The following ADGRV1 variants were observed in gnomAD, a reference collection of about 807,000 sequenced individuals.
The protein encoded by ADGRV1 is adhesion G protein-coupled receptor V1.
Under a neutral mutation model 596.2 loss-of-function variants are expected in ADGRV1, and 359 were observed. The observed-to-expected ratio is 0.60, with a 90% CI of 0.55 to 0.66. The LOEUF is 0.66. ADGRV1 is among the 30% of genes least tolerant of loss of function. The pLI is 0.00. For synonymous variants in ADGRV1, 2,681 were observed against 2,679.2 expected (o/e 1.00, Z -0.02); for missense variants, 7,274 against 7,575.6 (o/e 0.96, Z 1.48).
chr5:90,923,269 T>A (rs1338725431), intron 83 of ADGRV1, among the ~76,000 whole-genome samples: 2 of 152,162 alleles, frequency 1.3e-5, no homozygotes, highest in Non-Finnish European at 2.9e-5. Context: ...AATATTATAG[T>A]AAGGGCTAGC....
chr5:90,810,882 G>A lies in ADGRV1; in HGVS notation c.15622G>A (p.Ala5208Thr), dbSNP rs1023881798. ...TGCTGTGTCTGAAAAGCCTGATGTG[G>A]CCACTGTAACTGCCAATGTTTCCAT... is the stretch of plus-strand genomic sequence containing the variant. ...TPAVSEKPDV[A>T]TVTANVSIHG... The change falls in exon 74 of 90, where the codon GCC becomes ACC. Residue 5208 changes from alanine to threonine, a missense_variant. Physicochemically the swap from Ala to Thr is moderately conservative, Grantham distance 58 (BLOSUM62 0). Around this residue, in one of 5 missense-constraint regions of ADGRV1, gnomAD observed 1,874 missense variants for 1,970.2 expected, o/e 0.95. Coordinates refer to ENST00000405460, the MANE Select transcript of ADGRV1 (RefSeq NM_032119.4). 9 of 1,614,012 alleles carry A rather than the reference G, an allele frequency of 5.6e-6. No homozygotes were observed. In the African/African-American group the frequency reaches 1.1e-4, roughly 19 times the overall value.
intron 86 of ADGRV1, 63 bp from the exon 87 acceptor site, chr5:91,102,156 C>T: frequency 1.3e-6 from 2 of 1,482,418 alleles, no homozygotes; most frequent in Non-Finnish European, 1.8e-6. Context: ...CCAAAAATAA[C>T]TGTGTATACA....
In ADGRV1 at chr5:90,653,418, C is replaced by A. The variant is rs756850617; in HGVS notation, c.3844C>A (p.Gln1282Lys). 3 of 1,613,924 alleles carry A rather than the reference C, an allele frequency of 1.9e-6. No homozygotes were observed. Among genetic ancestry groups the A allele is most frequent in the Non-Finnish European group, 2.5e-6 (3 of 1,179,868 alleles). ...GCAGCAGGGTGTGTTTGGTGATGTA[C>A]AACTGGGCTGGGAAATACTGTCCAG... Reference protein sequence around the residue: ...LRQQGVFGDVQLGWEILSSEF... With the variant: ...LRQQGVFGDVKLGWEILSSEF... Residue 1282 changes from glutamine (Q) to lysine (K), a missense_variant, in exon 20 of 90, where the codon CAA (glutamine) becomes AAA (lysine). By Grantham distance (53) the Gln-to-Lys change is moderately conservative. Around this residue, in one of 5 missense-constraint regions of ADGRV1, gnomAD observed 1,715 missense variants for 1,708.8 expected, o/e 1.00. Coordinates refer to ENST00000405460, the MANE Select transcript of ADGRV1 (RefSeq NM_032119.4).
At chr5:90,830,386 T>C (rs1038102967) in intron 77 of ADGRV1, among the ~76,000 whole-genome samples, 1 of 152,154 alleles carries the variant, frequency 6.6e-6, no homozygotes, top group African/African-American at 2.4e-5. Context: ...TAGAAGTCTG[T>C]TTCATTCTTC....
chr5:90,682,750 T>C (rs1162020732), intron 27 of ADGRV1, among the ~76,000 whole-genome samples: 3 of 152,242 alleles, frequency 2.0e-5, no homozygotes, highest in Non-Finnish European at 4.4e-5. Flanking sequence ...TAAATTTTAT[T>C]TTGATGTAAC....
intron 76 of ADGRV1, among the ~76,000 whole-genome samples, chr5:90,827,009 G>A (rs1213617162): frequency 6.6e-6 from 1 of 152,066 alleles, no homozygotes; most frequent in Non-Finnish European, 1.5e-5. Context: ...TAACAACTTA[G>A]GAAGCATGCT....
intron 86 of ADGRV1, among the ~76,000 whole-genome samples, chr5:91,101,784 C>T (rs559495588): frequency 7.3e-5 from 11 of 150,484 alleles, no homozygotes; most frequent in Non-Finnish European, 1.3e-4. Context: ...CACACACGTG[C>T]GCATGCACAC....
intron 42 of ADGRV1, among the ~76,000 whole-genome samples, chr5:90,713,647 A>G (rs571406468): frequency 3.9e-5 from 6 of 152,270 alleles, no homozygotes; most frequent in Admixed American, 3.9e-4. Flanking sequence ...GCCTTTTGGA[A>G]TATTGGCTTC....
intron 87 of ADGRV1, among the ~76,000 whole-genome samples, chr5:91,112,973 A>G (rs1792507935): frequency 6.6e-6 from 1 of 152,198 alleles, no homozygotes. Flanking sequence ...CTCAGGATAT[A>G]TATAAAGAAA....
At chr5:91,050,354 TG>T (rs1372795245) in intron 85 of ADGRV1, among the ~76,000 whole-genome samples, 1 of 152,248 alleles carries the variant, frequency 6.6e-6, no homozygotes, top group Non-Finnish European at 1.5e-5. Flanking sequence ...TAGTGTACTT[TG>T]TGCCTCTGAC....
intron 21 of ADGRV1, among the ~76,000 whole-genome samples, chr5:90,664,205 G>C (rs367796501): frequency 1.6e-3 from 230 of 147,098 alleles, no homozygotes; most frequent in Non-Finnish European, 2.8e-3. Flanking sequence ...ACCTTGGGCA[G>C]TATGGCCATT....
chr5:91,129,937 A>G (rs541684475), intron 87 of ADGRV1, among the ~76,000 whole-genome samples: 4 of 152,262 alleles, frequency 2.6e-5, no homozygotes, highest in Admixed American at 1.3e-4. Flanking sequence ...TAATTGTAAT[A>G]AGAAAAGAAA....
At chr5:91,132,235 G>A (rs1053761852) in intron 87 of ADGRV1, among the ~76,000 whole-genome samples, 1 of 152,018 alleles carries the variant, frequency 6.6e-6, no homozygotes, top group Non-Finnish European at 1.5e-5. Flanking sequence ...ACAAATTGTT[G>A]AATTTATTTT....
intron 86 of ADGRV1, among the ~76,000 whole-genome samples, chr5:91,101,819 T>A (rs990862996): frequency 2.0e-5 from 3 of 152,038 alleles, no homozygotes; most frequent in African/African-American, 7.2e-5. Context: ...ACACGCACGA[T>A]GTTATATAAT....
At chr5:91,077,560 A>T (rs1305981106) in intron 86 of ADGRV1, among the ~76,000 whole-genome samples, 1 of 152,162 alleles carries the variant, frequency 6.6e-6, no homozygotes, top group Non-Finnish European at 1.5e-5. Context: ...AATGGAATAC[A>T]CTCAGTGCTA....
At chr5:90,744,240 C>T (rs1156550523) in intron 50 of ADGRV1, among the ~76,000 whole-genome samples, 1 of 152,148 alleles carries the variant, frequency 6.6e-6, no homozygotes, top group Non-Finnish European at 1.5e-5. Flanking sequence ...CTTTGGCCTC[C>T]CAAAGTGCTA....
chr5:91,030,294 G>A (rs138478376), intron 85 of ADGRV1, among the ~76,000 whole-genome samples: 1 of 152,114 alleles, frequency 6.6e-6, no homozygotes, highest in East Asian at 1.9e-4. Flanking sequence ...TTCAGTTTTT[G>A]CATGTATATT....
At chr5:90,592,063 G>A (rs141124043) in intron 1 of ADGRV1, among the ~76,000 whole-genome samples, 1 of 152,306 alleles carries the variant, frequency 6.6e-6, no homozygotes, top group Non-Finnish European at 1.5e-5. Flanking sequence ...AAACAGTGTG[G>A]AGATTCCTTA....
intron 84 of ADGRV1, among the ~76,000 whole-genome samples, chr5:90,973,449 C>G (rs1370432888): frequency 1.3e-5 from 2 of 152,122 alleles, no homozygotes; most frequent in Non-Finnish European, 2.9e-5. Flanking sequence ...TGCAAAAATC[C>G]TCAATAAAAT....
Sources: gnomAD v4.1 joint callset for allele counts (sites outside exome capture counted in the v4.1 genomes callset) on GRCh38, gnomAD v4.1.1 for gene constraint, gnomAD v4.1.1 regional missense constraint, MANE v1.5 for transcripts, NCBI Gene and HGNC (gene_info 2026-07-23, HGNC 2026-07-21) for gene names.